The following GRM3 variants were observed in gnomAD, a reference collection of about 807,000 sequenced individuals.
The protein encoded by GRM3 is metabotropic glutamate receptor 3.
Under a neutral mutation model 70.5 loss-of-function variants are expected in GRM3, and 26 were observed. That is an observed-to-expected ratio of 0.37 (90% CI 0.27 to 0.51). The LOEUF (loss-of-function observed/expected upper bound fraction) is 0.51, where lower values mean the gene tolerates loss of function less well. Ranked by LOEUF, GRM3 falls within the 20% of genes least tolerant of loss-of-function variation. GRM3 has a pLI of 0.93. For missense variants in GRM3, 859 were observed against 1,123.8 expected (o/e 0.76, Z 3.37); for synonymous variants, 443 against 434.9 (o/e 1.02, Z -0.23).
At chr7:86,848,853 GGCA>G (rs1798705971) in intron 4 of GRM3, among the ~76,000 whole-genome samples, 1 of 152,030 alleles carries the variant, frequency 6.6e-6, no homozygotes, top group African/African-American at 2.4e-5. Flanking sequence ...CCCAATTCAG[GGCA>G]TCCTCTTCCT....
intron 1 of GRM3, among the ~76,000 whole-genome samples, chr7:86,693,656 A>G (rs960172029): frequency 1.3e-5 from 2 of 152,246 alleles, no homozygotes; most frequent in Non-Finnish European, 2.9e-5. Flanking sequence ...AATGTTAACC[A>G]TAATCTCATG....
chr7:86,805,253 C>G (rs1562870112), intron 3 of GRM3, among the ~76,000 whole-genome samples: 1 of 151,904 alleles, frequency 6.6e-6, no homozygotes, highest in African/African-American at 2.4e-5. Flanking sequence ...TATTATAGAC[C>G]TTTTTTTTAT....
intron 1 of GRM3, among the ~76,000 whole-genome samples, chr7:86,723,569 TAAA>T (rs770970268): frequency 1.3e-5 from 2 of 152,120 alleles, no homozygotes; most frequent in Non-Finnish European, 2.9e-5. Context: ...CCAAACGAGT[TAAA>T]AAACAAGAAC....
At chr7:86,714,963 T>C (rs185690711) in intron 1 of GRM3, among the ~76,000 whole-genome samples, 3 of 152,034 alleles carry the variant, frequency 2.0e-5, no homozygotes, top group East Asian at 3.9e-4. Context: ...ACAAAACAAC[T>C]CTTGAATAAA....
chr7:86,738,925 C>T (rs1795924091), intron 1 of GRM3, among the ~76,000 whole-genome samples: 1 of 152,150 alleles, frequency 6.6e-6, no homozygotes, highest in South Asian at 2.1e-4. Context: ...GTTCGCAATT[C>T]AAGAATACAA....
chr7:86,690,861 A>G (rs1794680294), intron 1 of GRM3, among the ~76,000 whole-genome samples: 1 of 152,170 alleles, frequency 6.6e-6, no homozygotes, highest in African/African-American at 2.4e-5. Context: ...GGGATTTCAG[A>G]AGACATCATG....
At chr7:86,744,253 T>A (rs930749478) in intron 1 of GRM3, among the ~76,000 whole-genome samples, 1 of 151,910 alleles carries the variant, frequency 6.6e-6, no homozygotes, top group Non-Finnish European at 1.5e-5. Flanking sequence ...AAGCTTTACA[T>A]GAAAGAGTGT....
chr7:86,704,840 T>G (rs1264439002), intron 1 of GRM3, among the ~76,000 whole-genome samples: 3 of 151,950 alleles, frequency 2.0e-5, no homozygotes, highest in Non-Finnish European at 2.9e-5. Context: ...CAAACATCCA[T>G]TAATATAGTT....
At position 86,786,537 on chromosome 7, in the gene GRM3, C is replaced by A. The variant is rs1331153844; in HGVS notation, c.745C>A (p.Arg249Ser). 1.9e-6 allele frequency: 3 copies of A among 1,613,944 alleles called. No homozygotes were observed. Among genetic ancestry groups the A allele is most frequent in the African/African-American group, 2.7e-5 (2 of 74,952 alleles). Residue 249 changes from arginine to serine, a missense_variant, in exon 3 of 6, where the codon CGC becomes AGC. Physicochemically the swap from Arg to Ser is moderately radical, Grantham distance 110. Coordinates refer to ENST00000361669, the MANE Select transcript of GRM3 (RefSeq NM_000840.3). This position sits in a 1 kb window ranked among gnomAD's most constrained non-coding sequence, Gnocchi z 6.0. ...ICIATAEKVG[R>S]SNIRKSYDSV... ...CATCGCTACGGCGGAGAAGGTGGGC[C>A]GCTCCAACATCCGCAAGTCCTACGA...
chr7:86,752,959 TGAG>T (rs1161900979), intron 1 of GRM3, among the ~76,000 whole-genome samples: 1 of 152,066 alleles, frequency 6.6e-6, no homozygotes, highest in Admixed American at 6.6e-5. Flanking sequence ...TGTGTCCTTT[TGAG>T]GAGAAGGAGA....
rs538484419 is a variant in GRM3, at chr7:86,854,427, T to C, written c.2566+3883T>C. The stretch of plus-strand genomic sequence containing the variant: ...AGTAGCAGACATGAAAGAATGAACA[T>C]GGTTAACAACATCTTGGAAAACTGA... On this transcript the variant is annotated intron_variant, in intron 5 of 5. Coordinates refer to ENST00000361669, the MANE Select transcript of GRM3 (RefSeq NM_000840.3). 2.0e-5 allele frequency among the ~76,000 whole-genome samples: 3 copies of C among 152,262 alleles called. No homozygotes were observed. The South Asian group carries it at 6.2e-4, about 32-fold the overall frequency.
At chr7:86,840,088 C>T (rs936603351) in intron 4 of GRM3, among the ~76,000 whole-genome samples, 183 bp downstream of exon 4, 1 of 152,056 alleles carries the variant, frequency 6.6e-6, no homozygotes, top group African/African-American at 2.4e-5. Flanking sequence ...TTAGTACCTA[C>T]CACATGCAGA....
At chr7:86,706,143 T>C (rs969241957) in intron 1 of GRM3, among the ~76,000 whole-genome samples, 12 of 152,122 alleles carry the variant, frequency 7.9e-5, no homozygotes, top group Non-Finnish European at 1.5e-4. Flanking sequence ...AATGAATTCA[T>C]TGAAATATTA....
intron 1 of GRM3, among the ~76,000 whole-genome samples, chr7:86,660,598 T>C (rs1008517765): frequency 6.7e-6 from 1 of 150,178 alleles, no homozygotes; most frequent in Non-Finnish European, 1.5e-5. Flanking sequence ...TGCTCATCCA[T>C]GAAGATGTAT....
In GRM3 at chr7:86,644,934, G is replaced by A. The variant is rs928857428; in HGVS notation, c.-141+62G>A. The stretch of plus-strand genomic sequence containing the variant: ...GCGCCCAGCCAGGGCGCGGAAGCTC[G>A]GGTGCCGCGTGGGGCAGGCGCAGCC... On this transcript the variant is annotated intron_variant, in intron 1 of 5. Coordinates refer to ENST00000361669, the MANE Select transcript of GRM3 (RefSeq NM_000840.3). The A allele has an allele frequency of 5.9e-5, 56 of 953,666 alleles. No individual in the cohort carries two copies. In the African/African-American group the frequency reaches 6.4e-4, roughly 11 times the overall value. 59.1% of individuals were successfully genotyped at this position (953,666 alleles called of 1,614,324 possible).
intron 1 of GRM3, among the ~76,000 whole-genome samples, chr7:86,709,735 T>A (rs1004579220): frequency 6.6e-6 from 1 of 152,116 alleles, no homozygotes; most frequent in Non-Finnish European, 1.5e-5. Flanking sequence ...TTCTATAAAT[T>A]GTACAGATCT....
At chr7:86,789,524 C>T (rs963542374) in intron 3 of GRM3, among the ~76,000 whole-genome samples, 2 of 152,098 alleles carry the variant, frequency 1.3e-5, no homozygotes, top group African/African-American at 4.8e-5. Context: ...TTTTTCCTAG[C>T]TATTGAAAAG....
chr7:86,684,509 T>C (rs1466423098), intron 1 of GRM3, among the ~76,000 whole-genome samples: 2 of 152,216 alleles, frequency 1.3e-5, no homozygotes, highest in Non-Finnish European at 2.9e-5. Context: ...GACTGCTTTA[T>C]GATTCTCGAA....
chr7:86,731,199 C>G (rs995036339), intron 1 of GRM3, among the ~76,000 whole-genome samples: 2 of 152,180 alleles, frequency 1.3e-5, no homozygotes, highest in African/African-American at 2.4e-5. Context: ...TGCTCGAATT[C>G]TACTACTGAA....
Sources: allele counts gnomAD v4.1 joint callset (sites outside exome capture counted in the v4.1 genomes callset), GRCh38; gene constraint gnomAD v4.1.1; non-coding constraint Gnocchi (gnomAD v3.1); transcripts MANE v1.5; gene names NCBI Gene and HGNC (gene_info 2026-07-23, HGNC 2026-07-21).